Variants in PLAAT3 observed in about 807,000 individuals in gnomAD.
The protein encoded by PLAAT3 is phospholipase A and acyltransferase 3, also known as Ca-independent phospholipase A1/2.
Under a neutral mutation model 16.7 loss-of-function variants are expected in PLAAT3, and 21 were observed. The observed-to-expected ratio is 1.26, with a 90% CI of 0.89 to 1.81. PLAAT3 has a LOEUF of 1.81. Among genes scored for constraint, PLAAT3 ranks in the 40% most tolerant of loss-of-function variants. The probability of loss-of-function intolerance (pLI) is 0.00; values close to 1 mark genes in which losing one functional copy is unlikely to be tolerated. For synonymous variants in PLAAT3, 76 were observed against 81.7 expected (o/e 0.93, Z 0.38); for missense variants, 219 against 213.7 (o/e 1.02, Z -0.16).
intron 3 of PLAAT3, among the ~76,000 whole-genome samples, chr11:63,591,474 C>T (rs1298022213): frequency 6.6e-6 from 1 of 152,164 alleles, no homozygotes; most frequent in East Asian, 1.9e-4. Flanking sequence ...TCTCACTCTC[C>T]TCAAACAGCC....
At chr11:63,575,068 G>C in intron 4 of PLAAT3, 22 bp from the exon 5 acceptor site, 5 of 1,475,426 alleles carry the variant, frequency 3.4e-6, no homozygotes, top group Non-Finnish European at 4.7e-6. Context: ...AAGAGGGTGG[G>C]TCACACTCTG....
At chr11:63,612,920 T>TA (rs1030571608) in intron 2 of PLAAT3, among the ~76,000 whole-genome samples, 22 of 152,204 alleles carry the variant, frequency 1.4e-4, no homozygotes, top group Non-Finnish European at 4.4e-5. Flanking sequence ...TGATTATTGC[T>TA]AAAAATAATG....
chr11:63,604,673 G>A (rs1249689290), intron 2 of PLAAT3, among the ~76,000 whole-genome samples: 1 of 152,038 alleles, frequency 6.6e-6, no homozygotes, highest in East Asian at 1.9e-4. Flanking sequence ...TGAGGCTGGA[G>A]AATCGCTTGA....
chr11:63,605,047 C>G lies in PLAAT3; in HGVS notation c.16-6884G>C, dbSNP rs1372010139. On this transcript the variant is annotated intron_variant, in intron 2 of 4. Coordinates refer to ENST00000415826, the MANE Select transcript of PLAAT3 (RefSeq NM_001128203.2). ...ATTCCAGGTCTTCTGCAATGAGTATCTTTTAAGTTTACAGCATGCTTCTCA... is the reference window on the plus strand; with the variant it reads ...ATTCCAGGTCTTCTGCAATGAGTATGTTTTAAGTTTACAGCATGCTTCTCA... Among the ~76,000 whole-genome samples, 4 of 152,118 alleles carry G rather than the reference C, an allele frequency of 2.6e-5. No homozygotes were observed. The East Asian group carries it at 7.7e-4, about 29-fold the overall frequency.
In PLAAT3 at chr11:63,586,446, T is replaced by C. The variant is rs1299889583; in HGVS notation, c.387+3654A>G. Among the ~76,000 whole-genome samples, 4 of 152,234 alleles carry C rather than the reference T, an allele frequency of 2.6e-5. No individual in the cohort carries two copies. In the East Asian group the frequency reaches 7.7e-4, roughly 29 times the overall value. ...ACCACGCCCGGCCAGCCCCGTTCTT[T>C]ATTCTGTTAATAACTGCTGAAAGAA... On this transcript the variant is annotated intron_variant, in intron 4 of 4. Coordinates refer to ENST00000415826, the MANE Select transcript of PLAAT3 (RefSeq NM_001128203.2).
intron 4 of PLAAT3, among the ~76,000 whole-genome samples, chr11:63,580,957 A>G (rs1252732648): frequency 6.6e-6 from 1 of 152,208 alleles, no homozygotes; most frequent in African/African-American, 2.4e-5. Flanking sequence ...TACTTTCATA[A>G]CTTCTTACAC....
At chr11:63,600,683 A>T (rs1166469632) in intron 2 of PLAAT3, among the ~76,000 whole-genome samples, 3 of 151,288 alleles carry the variant, frequency 2.0e-5, no homozygotes, top group African/African-American at 7.3e-5. Context: ...GCTCACTGCA[A>T]CCTCCACCTC....
At chr11:63,594,507 G>A (rs982827083) in intron 3 of PLAAT3, among the ~76,000 whole-genome samples, 1 of 152,040 alleles carries the variant, frequency 6.6e-6, no homozygotes, top group Non-Finnish European at 1.5e-5. Context: ...GATGGGACTT[G>A]GCTTTAAGCT....
chr11:63,577,955 A>G (rs1176199326), intron 4 of PLAAT3, among the ~76,000 whole-genome samples: 2 of 152,180 alleles, frequency 1.3e-5, no homozygotes, highest in Non-Finnish European at 2.9e-5. Flanking sequence ...AAAATAAAGA[A>G]ATAGAAACCA....
At position 63,590,262 on chromosome 11, in the gene PLAAT3, C is replaced by G; in HGVS notation, c.225G>C (p.Gln75His). The G allele has an allele frequency of 1.2e-6, 2 of 1,614,204 alleles. No individual in the cohort carries two copies. Among genetic ancestry groups the G allele is most frequent in the Non-Finnish European group, 1.7e-6 (2 of 1,180,028 alleles). The change falls in exon 4 of 5, where the codon CAG becomes CAC. Residue 75 changes from glutamine (Q) to histidine (H), a missense_variant. Transcript: ENST00000415826. Reference protein sequence around the residue: ...LYDVAGSDKYQVNNKHDDKYS... With the variant: ...LYDVAGSDKYHVNNKHDDKYS... ...ACTTGTCATCATGTTTGTTGTTGACCTGGTACTTGTCACTCCCGGCCACAT... is the reference window on the plus strand; with the variant it reads ...ACTTGTCATCATGTTTGTTGTTGACGTGGTACTTGTCACTCCCGGCCACAT...
chr11:63,606,425 AACACACACAC>A (rs34044017), intron 2 of PLAAT3, among the ~76,000 whole-genome samples: 29 of 140,216 alleles, frequency 2.1e-4, no homozygotes, highest in East Asian at 1.3e-3. Context: ...TCTACTATAA[AACACACACAC>A]ACACACACAC....
intron 2 of PLAAT3, among the ~76,000 whole-genome samples, chr11:63,604,320 A>G (rs1938505114): frequency 6.6e-6 from 1 of 152,182 alleles, no homozygotes; most frequent in South Asian, 2.1e-4. Flanking sequence ...AATATGAATT[A>G]CTTTGACAAT....
chr11:63,607,994 G>A (rs1198482155), intron 2 of PLAAT3, among the ~76,000 whole-genome samples: 1 of 152,022 alleles, frequency 6.6e-6, no homozygotes, highest in African/African-American at 2.4e-5. Context: ...AGACCATCCT[G>A]GCTAACACAG....
chr11:63,587,096 G>C (rs141716333), intron 4 of PLAAT3, among the ~76,000 whole-genome samples: 239 of 152,142 alleles, frequency 1.6e-3, no homozygotes, highest in African/African-American at 5.6e-3. Flanking sequence ...TAAATAAAAA[G>C]ATACATAAAT....
intron 3 of PLAAT3, among the ~76,000 whole-genome samples, chr11:63,594,688 G>A (rs1938239722): frequency 6.6e-6 from 1 of 152,198 alleles, no homozygotes; most frequent in Non-Finnish European, 1.5e-5. Flanking sequence ...GGAACCGGAG[G>A]TGGCCAGGCA....
intron 4 of PLAAT3, among the ~76,000 whole-genome samples, chr11:63,586,439 C>T (rs1436769551): frequency 6.6e-6 from 1 of 152,098 alleles, no homozygotes; most frequent in Admixed American, 6.5e-5. Flanking sequence ...CGGCCAGCCC[C>T]GTTCTTTATT....
intron 4 of PLAAT3, among the ~76,000 whole-genome samples, chr11:63,576,070 C>G (rs976956043): frequency 6.6e-6 from 1 of 152,190 alleles, no homozygotes; most frequent in Non-Finnish European, 1.5e-5. Context: ...TCCCAGACCT[C>G]CTACTCCTCT....
At chr11:63,581,325 G>A (rs1040143090) in intron 4 of PLAAT3, among the ~76,000 whole-genome samples, 7 of 152,152 alleles carry the variant, frequency 4.6e-5, no homozygotes, top group Non-Finnish European at 1.0e-4. Context: ...GAGAAATATC[G>A]CTGAATTCTT....
intron 2 of PLAAT3, among the ~76,000 whole-genome samples, chr11:63,605,998 T>C (rs1938548568): frequency 1.3e-5 from 2 of 152,188 alleles, no homozygotes; most frequent in Admixed American, 6.5e-5. Flanking sequence ...GATCCGCAGC[T>C]GTGGTTCTCA....
Sources: allele counts gnomAD v4.1 joint callset (sites outside exome capture counted in the v4.1 genomes callset), GRCh38; gene constraint gnomAD v4.1.1; transcripts MANE v1.5; gene names NCBI Gene and HGNC (gene_info 2026-07-23, HGNC 2026-07-21).